RSKR: variants seen among roughly 807,000 people sequenced by gnomAD.
RSKR encodes the protein ribosomal protein S6 kinase-related protein.
A neutral mutation model predicts 56.8 loss-of-function variants in RSKR; 44 were observed. The ratio of observed to expected loss-of-function variants is 0.77; its 90% CI spans 0.61 to 1.00. The LOEUF (loss-of-function observed/expected upper bound fraction) is 1.00, where lower values mean the gene tolerates loss of function less well. Ranked by LOEUF, RSKR falls within the 50% of genes least tolerant of loss-of-function variation. The pLI is 0.00. For synonymous variants in RSKR, 181 were observed against 188.0 expected (o/e 0.96, Z 0.30); for missense variants, 510 against 506.9 (o/e 1.01, Z -0.06).
rs1287941635 is a variant in RSKR, at chr17:28,610,283, A to C, written c.*195T>G. The C allele has an allele frequency of 5.1e-6, 3 of 586,738 alleles. No individual in the cohort carries two copies. The highest frequency in any genetic ancestry group is 9.1e-6 in the Non-Finnish European group (3 of 330,738). 36.3% of individuals were successfully genotyped at this position (586,738 alleles called of 1,614,324 possible). A position where few individuals can be genotyped will look rare whatever the true frequency, so the allele number is the denominator to read the frequency against. On this transcript the variant is annotated 3_prime_UTR_variant, in exon 12 of 12. Transcript: ENST00000301037. The stretch of plus-strand genomic sequence containing the variant: ...TGAATTGAGAGGTAGGTTGTATGAT[A>C]GGGAAGGAATAGGGCCAGCTGTGGC...
In RSKR at chr17:28,610,298, C is replaced by G. The variant is rs2070793766; in HGVS notation, c.*180G>C. The G allele has an allele frequency of 1.6e-6, 1 of 609,342 alleles. No individual in the cohort carries two copies. The highest frequency in any genetic ancestry group is 1.9e-5 in the African/African-American group (1 of 53,986). The allele number at this position is 609,342 out of a possible 1,614,324, so 37.7% of individuals were successfully genotyped here. A position where few individuals can be genotyped will look rare whatever the true frequency, so the allele number is the denominator to read the frequency against. ...GTTGTATGATAGGGAAGGAATAGGGCCAGCTGTGGCTGCCAGTAGCAGAAT... is the reference window on the plus strand; with the variant it reads ...GTTGTATGATAGGGAAGGAATAGGGGCAGCTGTGGCTGCCAGTAGCAGAAT... On this transcript the variant is annotated 3_prime_UTR_variant, in exon 12 of 12. Coordinates refer to ENST00000301037, the MANE Select transcript of RSKR (RefSeq NM_001174103.2).
Position 28,613,275 on chromosome 17 carries a change from ACAGCTTTCTGGGTGCAAT to A in RSKR, c.377_394del (p.Asp126_Ala131del), listed in dbSNP as rs754087785. 5.2e-5 allele frequency: 84 copies of A among 1,614,206 alleles called. No homozygotes were observed. In the South Asian group the frequency reaches 9.0e-4, roughly 17 times the overall value. On this transcript the variant is annotated inframe_deletion, in exon 3 of 12. Transcript: ENST00000301037. ...CTACGCCCCTACCTTCACTGCAAAT[ACAGCTTTCTGGGTGCAAT>A]CTAGCACCTTGAGGACAGTTCCAAA...
chr17:28,612,163 TCC>T (rs1157314235), intron 6 of RSKR, 79 bp from the exon 7 acceptor site: 1 of 1,586,098 alleles, frequency 6.3e-7, no homozygotes, highest in African/African-American at 1.3e-5. Flanking sequence ...CCCATCCCTA[TCC>T]TATTCTTTAA....
chr17:28,613,889 T>G, intron 1 of RSKR, 198 bp downstream of exon 1: 1 of 1,008,602 alleles, frequency 9.9e-7, no homozygotes, highest in African/African-American at 1.6e-5. Flanking sequence ...AAAATAATTG[T>G]TGGACATTTT....
rs1413010298 is a variant in RSKR, at chr17:28,613,578, G to C, written c.186C>G (p.His62Gln). The C allele has an allele frequency of 1.9e-6, 3 of 1,614,172 alleles. No individual in the cohort carries two copies. The highest frequency in any genetic ancestry group is 1.6e-4 in the Middle Eastern group (1 of 6,062). Residue 62 changes from histidine to glutamine, a missense_variant, in exon 2 of 12, where the codon CAC becomes CAG. By Grantham distance (24) the His-to-Gln change is conservative. Transcript: ENST00000301037. ...GCTTTAGGGATTCCTGGTGCAGATA[G>C]TGGTGCCCCCGTAGTTCCCAGAGTT... ...LEELWELRGH[H>Q]YLHQESLKPA... is the part of the protein sequence containing the mutation.
chr17:28,612,525 C>CA, intron 5 of RSKR, 93 bp downstream of exon 5: 1 of 1,460,520 alleles, frequency 6.8e-7, no homozygotes, highest in Non-Finnish European at 9.5e-7. Flanking sequence ...AGAAGGGGGA[C>CA]AGAGCAAAGG....
Position 28,613,101 on chromosome 17 carries a change from A to G in RSKR, c.454T>C (p.Cys152Arg). Residue 152 changes from cysteine (C) to arginine (R), a missense_variant, in exon 4 of 12, where the codon TGC becomes CGC. Physicochemically the swap from Cys to Arg is radical, Grantham distance 180. Transcript: ENST00000301037. ...ACCTGGATGCTAACCTCCTCTTTGCACTGCCTCACGGTATCCCTCTGTAGG... is the reference window on the plus strand; with the variant it reads ...ACCTGGATGCTAACCTCCTCTTTGCGCTGCCTCACGGTATCCCTCTGTAGG... ...KVLQRDTVRQ[C>R]KEEVSIQRQI... 1 of 1,614,094 alleles carries G rather than the reference A, an allele frequency of 6.2e-7. No homozygotes were observed.
chr17:28,612,597 GGA>G lies in RSKR; in HGVS notation c.547+19_547+20del, dbSNP rs776447634. The G allele has an allele frequency of 3.1e-6, 5 of 1,611,858 alleles. No individual in the cohort carries two copies. The highest frequency in any genetic ancestry group is 3.4e-6 in the Non-Finnish European group (4 of 1,177,950). Reference sequence around the variant, plus strand: ...ATGGTACAAAGACCCTGGGGGATGAGGAGAGAGTCCAGTCACTCACTAATGAA... The same window carrying G: ...ATGGTACAAAGACCCTGGGGGATGAGGAGAGTCCAGTCACTCACTAATGAA... On this transcript the variant is annotated intron_variant, in intron 5 of 11. Transcript: ENST00000301037.
At chr17:28,611,277 A>AG (rs1396371479) in intron 10 of RSKR, 24 bp from the exon 11 acceptor site, 27 of 1,533,866 alleles carry the variant, frequency 1.8e-5, no homozygotes, top group Non-Finnish European at 4.4e-6. Context: ...TAGGGAGTGG[A>AG]GGTAGGGGTA....
At position 28,611,601 on chromosome 17, in the gene RSKR, T is replaced by C. The variant is rs1344084280; in HGVS notation, c.777A>G (p.Gln259=). ...GAAGAGTGCCACAGATAGTGTAGGC[T>C]TGAGCTCCCTGGGGCACGTGGCGGG... is the stretch of plus-strand genomic sequence containing the variant. ...GLSRHVPQGA[Q]AYTICGTLQY... is the part of the protein sequence containing the mutation. Residue 259 remains glutamine (Q), a synonymous_variant, in exon 9 of 12, where the codon CAA becomes CAG. Coordinates refer to ENST00000301037, the MANE Select transcript of RSKR (RefSeq NM_001174103.2). 6.4e-7 allele frequency: 1 copy of C among 1,564,982 alleles called. No individual in the cohort carries two copies. The highest frequency in any genetic ancestry group is 8.6e-7 in the Non-Finnish European group (1 of 1,158,376).
intron 1 of RSKR, 188 bp downstream of exon 1, chr17:28,613,899 T>C: frequency 1.0e-6 from 1 of 998,436 alleles, no homozygotes; most frequent in South Asian, 1.7e-5. Context: ...TTGGACATTT[T>C]CACCATGACG....
chr17:28,613,808 A>T, intron 1 of RSKR, 120 bp from the exon 2 acceptor site: 2 of 1,407,076 alleles, frequency 1.4e-6, no homozygotes, highest in Non-Finnish European at 1.9e-6. Context: ...TTTGAGCATG[A>T]GGCAAAATTC....
Position 28,608,115 on chromosome 17 carries a change from G to C in RSKR, c.*2363C>G, listed in dbSNP as rs886985196. The C allele has an allele frequency of 1.2e-4, 18 of 152,106 alleles. No homozygotes were observed. Among genetic ancestry groups the C allele is most frequent in the Admixed American group, 2.6e-4 (4 of 15,256 alleles). The allele number at this position is 152,106 out of a possible 1,614,324, so 9.4% of individuals were successfully genotyped here. A position where few individuals can be genotyped will look rare whatever the true frequency, so the allele number is the denominator to read the frequency against. On this transcript the variant is annotated 3_prime_UTR_variant, in exon 12 of 12. Transcript: ENST00000301037. Reference sequence around the variant, plus strand: ...AAAAGGAAGACAGAACCAAGAACATGACTAGCATACAAAATACATAAACAC... The same window carrying C: ...AAAAGGAAGACAGAACCAAGAACATCACTAGCATACAAAATACATAAACAC...
chr17:28,612,575 G>A, intron 5 of RSKR, 43 bp downstream of exon 5: 2 of 1,599,036 alleles, frequency 1.3e-6, no homozygotes, highest in Non-Finnish European at 1.7e-6. Context: ...GGGGAACATG[G>A]TACAAAGACC....
intron 5 of RSKR, 100 bp downstream of exon 5, chr17:28,612,518 A>C: frequency 7.0e-7 from 1 of 1,430,518 alleles, no homozygotes; most frequent in Non-Finnish European, 9.8e-7. Context: ...TGCCATGAGA[A>C]GGGGGACAGA....
In RSKR at chr17:28,609,445, C is replaced by A. The variant is rs751300530; in HGVS notation, c.*1033G>T. 7.9e-5 allele frequency: 12 copies of A among 152,112 alleles called. No individual in the cohort carries two copies. The highest frequency in any genetic ancestry group is 3.4e-3 in the Middle Eastern group (1 of 294). 9.4% of individuals were successfully genotyped at this position (152,112 alleles called of 1,614,324 possible). On this transcript the variant is annotated 3_prime_UTR_variant, in exon 12 of 12. Transcript: ENST00000301037. ...GAGGTTTTATTTTGGATAACTGTTGCAATTATAGACCTAGAGAAGACATTT... is the reference window on the plus strand; with the variant it reads ...GAGGTTTTATTTTGGATAACTGTTGAAATTATAGACCTAGAGAAGACATTT...
intron 8 of RSKR, 44 bp downstream of exon 8, chr17:28,611,724 C>T (rs746435165): frequency 6.2e-7 from 1 of 1,613,928 alleles, no homozygotes; most frequent in Non-Finnish European, 8.5e-7. Context: ...ATTCCCAAAC[C>T]AAAGTACCTC....
Position 28,612,600 on chromosome 17 carries a change from G to A in RSKR, c.547+18C>T, listed in dbSNP as rs760854729. ...GTACAAAGACCCTGGGGGATGAGGA[G>A]AGAGTCCAGTCACTCACTAATGAAA... On this transcript the variant is annotated intron_variant, in intron 5 of 11. Transcript: ENST00000301037. 2 of 1,613,340 alleles carry A rather than the reference G, an allele frequency of 1.2e-6. No individual in the cohort carries two copies. The highest frequency in any genetic ancestry group is 1.7e-5 in the Admixed American group (1 of 60,008).
chr17:28,610,879 G>A (rs1005256887), intron 11 of RSKR, 180 bp from the exon 12 acceptor site: 1 of 698,106 alleles, frequency 1.4e-6, no homozygotes, highest in African/African-American at 1.8e-5. Flanking sequence ...GTGGGAATAA[G>A]GAGCTGTGCT....
Sources: allele counts gnomAD v4.1 joint callset, GRCh38; gene constraint gnomAD v4.1.1; transcripts MANE v1.5; gene names NCBI Gene and HGNC (gene_info 2026-07-23, HGNC 2026-07-21).